MTUS1: variants seen among roughly 807,000 people sequenced by gnomAD.
MTUS1 encodes the protein microtubule-associated tumor suppressor 1.
MTUS1 carries 109 observed loss-of-function variants against 120.8 expected under a neutral mutation model. The ratio of observed to expected loss-of-function variants is 0.90; its 90% CI spans 0.77 to 1.06. The LOEUF is 1.06. Among genes scored for constraint, MTUS1 ranks in the 50% least tolerant of loss-of-function variants. The pLI, the probability that MTUS1 is intolerant of heterozygous loss-of-function variation, is 0.00. For missense variants in MTUS1, 2,210 were observed against 1,486.3 expected (o/e 1.49, Z -8.01); for synonymous variants, 737 against 550.5 (o/e 1.34, Z -4.74).
At chr8:17,679,526 CAG>C (rs1158734658) in intron 7 of MTUS1, among the ~76,000 whole-genome samples, 6 of 150,738 alleles carry the variant, frequency 4.0e-5, no homozygotes, top group Non-Finnish European at 8.8e-5. Flanking sequence ...TTTTTTGAGA[CAG>C]GGTCTCACTG....
chr8:17,768,701 T>C (rs1046604349), intron 1 of MTUS1, among the ~76,000 whole-genome samples: 6 of 152,198 alleles, frequency 3.9e-5, no homozygotes, highest in Non-Finnish European at 7.4e-5. Flanking sequence ...TATAAGAAGA[T>C]AGAAGTCTCC....
At chr8:17,770,257 A>T (rs1016364721) in intron 1 of MTUS1, among the ~76,000 whole-genome samples, 1 of 152,194 alleles carries the variant, frequency 6.6e-6, no homozygotes, top group Admixed American at 6.5e-5. Context: ...AACGTTCTAG[A>T]ATTTAGCCTG....
Position 17,655,937 on chromosome 8 carries a change from T to C in MTUS1, c.3034A>G (p.Thr1012Ala), listed in dbSNP as rs760332726. Residue 1012 changes from threonine to alanine, a missense_variant, in exon 9 of 15, where the codon ACC (threonine) becomes GCC (alanine). By Grantham distance (58) the Thr-to-Ala change is moderately conservative. Coordinates refer to ENST00000693296, the MANE Select transcript of MTUS1 (RefSeq NM_001363059.2). ...TCCCGAAGCTTTTCATACTCCCTGG[T>C]GTAAAACTCTTTAAGCCGATTCTCT... ...ERENRLKEFY[T>A]REYEKLRDTY... The C allele has an allele frequency of 6.2e-7, 1 of 1,614,210 alleles. No homozygotes were observed. The highest frequency in any genetic ancestry group is 8.5e-7 in the Non-Finnish European group (1 of 1,180,036).
intron 14 of MTUS1, 27 bp from the exon 15 acceptor site, chr8:17,646,166 A>C (rs549697599): frequency 6.5e-7 from 1 of 1,534,200 alleles, no homozygotes; most frequent in South Asian, 1.3e-5. Flanking sequence ...AGAAACCATG[A>C]GATCTATGTA....
At chr8:17,774,971 TAA>T (rs76567642) in intron 1 of MTUS1, among the ~76,000 whole-genome samples, 1,007 of 96,958 alleles carry the variant, frequency 0.01, 13 homozygotes, top group African/African-American at 0.034. Context: ...ATATTATAAG[TAA>T]AAAAAAAAAA....
chr8:17,744,908 A>G (rs1382871060), intron 2 of MTUS1, among the ~76,000 whole-genome samples: 1 of 152,054 alleles, frequency 6.6e-6, no homozygotes, highest in East Asian at 1.9e-4. Context: ...CTACTTCAAG[A>G]TGTCTCATCT....
chr8:17,713,401 T>C, intron 5 of MTUS1, 149 bp from the exon 6 acceptor site: 1 of 584,520 alleles, frequency 1.7e-6, no homozygotes, highest in Non-Finnish European at 3.1e-6. Context: ...TTCAACCAAC[T>C]TTTGTCAAGT....
Position 17,723,677 on chromosome 8 carries a change from T to C in MTUS1, c.2444A>G (p.Asn815Ser), listed in dbSNP as rs1563269939. ...GTGATATAAAGTCGACTTACAATTGTTGCTGTAAGTGCTCAGCTCACTGTG... is the reference window on the plus strand; with the variant it reads ...GTGATATAAAGTCGACTTACAATTGCTGCTGTAAGTGCTCAGCTCACTGTG... ...STHSELSTYS[N>S]NSGNAAVIKY... The change falls in exon 4 of 15, where the codon AAC (asparagine) becomes AGC (serine). Residue 815 changes from asparagine (N) to serine (S), a missense_variant. Coordinates refer to ENST00000693296, the MANE Select transcript of MTUS1 (RefSeq NM_001363059.2). 2 of 1,609,428 alleles carry C rather than the reference T, an allele frequency of 1.2e-6. No individual in the cohort carries two copies. Among genetic ancestry groups the C allele is most frequent in the South Asian group, 1.1e-5 (1 of 90,946 alleles).
At chr8:17,746,144 G>A (rs6586640) in intron 2 of MTUS1, among the ~76,000 whole-genome samples, 140,722 of 152,194 alleles carry the variant, frequency 0.92, 66,075 homozygotes, top group East Asian at 1. Context: ...AGAACAGACT[G>A]ATACAGCTAG....
chr8:17,695,136 T>C (rs115126249), intron 6 of MTUS1, among the ~76,000 whole-genome samples: 1 of 152,186 alleles, frequency 6.6e-6, no homozygotes, highest in Admixed American at 6.5e-5. Context: ...TGACGGACGA[T>C]TTCTCGGACG....
intron 1 of MTUS1, among the ~76,000 whole-genome samples, chr8:17,792,442 G>T (rs539405116): frequency 6.6e-6 from 1 of 152,144 alleles, no homozygotes; most frequent in Non-Finnish European, 1.5e-5. Flanking sequence ...AATGGTTTAG[G>T]TTTTCTCATA....
intron 8 of MTUS1, among the ~76,000 whole-genome samples, chr8:17,671,454 T>C (rs1241170649): frequency 6.6e-6 from 1 of 152,082 alleles, no homozygotes. Context: ...ACGTAGAGTA[T>C]CAAAAAATCA....
chr8:17,679,158 A>G (rs567147319), intron 7 of MTUS1, among the ~76,000 whole-genome samples: 1 of 152,028 alleles, frequency 6.6e-6, no homozygotes, highest in African/African-American at 2.4e-5. Context: ...CGAAGGCTCT[A>G]AAGCCATTTA....
At chr8:17,784,483 T>C (rs2051139027) in intron 1 of MTUS1, among the ~76,000 whole-genome samples, 1 of 152,004 alleles carries the variant, frequency 6.6e-6, no homozygotes, top group African/African-American at 2.4e-5. Context: ...TTAGTGGAGA[T>C]GAAGTATCAC....
Position 17,755,608 on chromosome 8 carries a change from C to T in MTUS1, c.200G>A (p.Gly67Asp), listed in dbSNP as rs768311284. The T allele has an allele frequency of 1.9e-6, 3 of 1,614,042 alleles. No homozygotes were observed. The highest frequency in any genetic ancestry group is 1.6e-4 in the Middle Eastern group (1 of 6,084). The change falls in exon 2 of 15, where the codon GGT becomes GAT. Residue 67 changes from glycine (G) to aspartate (D), a missense_variant. By Grantham distance (94) the Gly-to-Asp change is moderately conservative. Transcript: ENST00000693296. ...DYETDPAVVT[G>D]ENISLSLQGV... ...CTGAAGGCTTAAAGAAATATTTTCA[C>T]CAGTAACTACAGCAGGGTCAGTTTC...
At chr8:17,736,568 TTTTTA>T (rs200400504) in intron 3 of MTUS1, among the ~76,000 whole-genome samples, 2,093 of 152,180 alleles carry the variant, frequency 0.014, 47 homozygotes, top group African/African-American at 0.047. Context: ...CACTGCTTTA[TTTTTA>T]TTTTATTTTA....
intron 2 of MTUS1, 92 bp downstream of exon 2, chr8:17,753,625 T>C (rs1332602751): frequency 1.4e-5 from 12 of 832,818 alleles, no homozygotes; most frequent in Admixed American, 3.1e-5. Flanking sequence ...GGTTCTGCAA[T>C]ATTATTGACT....
intron 6 of MTUS1, among the ~76,000 whole-genome samples, chr8:17,711,080 G>C (rs906793547): frequency 2.0e-5 from 3 of 152,102 alleles, no homozygotes; most frequent in Admixed American, 6.5e-5. Flanking sequence ...TTCATTTATA[G>C]AGCACAGGCA....
intron 2 of MTUS1, 120 bp from the exon 3 acceptor site, chr8:17,743,919 G>A (rs1203490300): frequency 1.3e-6 from 1 of 776,958 alleles, no homozygotes; most frequent in Non-Finnish European, 2.0e-6. Context: ...ACAAGTTCAG[G>A]CCATGATGGC....
Sources: gnomAD v4.1 joint callset for allele counts (sites outside exome capture counted in the v4.1 genomes callset) on GRCh38, gnomAD v4.1.1 for gene constraint, MANE v1.5 for transcripts, NCBI Gene and HGNC (gene_info 2026-07-23, HGNC 2026-07-21) for gene names.